The following C11orf54 variants were observed in gnomAD, a reference collection of about 807,000 sequenced individuals.
C11orf54 encodes beta-keto L-gulonate decarboxylase.
In C11orf54, 29 loss-of-function variants were observed where a neutral mutation model predicts 35.5. That is an observed-to-expected ratio of 0.82 (90% CI 0.61 to 1.11). The LOEUF (loss-of-function observed/expected upper bound fraction) is 1.11, where lower values mean the gene tolerates loss of function less well. C11orf54 is among the 50% of genes most tolerant of loss of function. C11orf54 has a pLI of 0.00. For synonymous variants in C11orf54, 108 were observed against 121.1 expected (o/e 0.89, Z 0.71); for missense variants, 373 against 369.2 (o/e 1.01, Z -0.08).
chr11:93,755,711 C>G (rs1943101313), intron 6 of C11orf54, among the ~76,000 whole-genome samples: 1 of 145,496 alleles, frequency 6.9e-6, no homozygotes. Context: ...CAAGATCATG[C>G]TACTACCCTC....
In C11orf54 at chr11:93,741,742, C is replaced by T. The variant is rs1942073191; in HGVS notation, c.-98+14C>T. On this transcript the variant is annotated intron_variant, in intron 1 of 8. Transcript: ENST00000354421. ...GTGACCGTTTAGGTGAGTGGAATAG[C>T]CAAGAACATTTCGGCAAATAACAAA... 1 of 319,798 alleles carries T rather than the reference C, an allele frequency of 3.1e-6. No individual in the cohort carries two copies. The highest frequency in any genetic ancestry group is 6.2e-6 in the Non-Finnish European group (1 of 162,024). The allele number at this position is 319,798 out of a possible 1,614,324, so 19.8% of individuals were successfully genotyped here. A position where few individuals can be genotyped will look rare whatever the true frequency, so the allele number is the denominator to read the frequency against.
intron 1 of C11orf54, among the ~76,000 whole-genome samples, chr11:93,742,477 G>A (rs143607686): frequency 0.054 from 8,257 of 152,076 alleles, 291 homozygotes; most frequent in Middle Eastern, 0.082. Flanking sequence ...AGAGGCGGGG[G>A]TTTCTCCATG....
At chr11:93,755,981 A>G (rs1406064216) in intron 6 of C11orf54, among the ~76,000 whole-genome samples, 1 of 151,974 alleles carries the variant, frequency 6.6e-6, no homozygotes, top group African/African-American at 2.4e-5. Flanking sequence ...AGTCTGGCCA[A>G]CATAGCGAAA....
chr11:93,759,474 C>T (rs936496257), intron 7 of C11orf54, among the ~76,000 whole-genome samples: 1 of 151,968 alleles, frequency 6.6e-6, no homozygotes, highest in African/African-American at 2.4e-5. Flanking sequence ...GGGAGGGGAA[C>T]ATCACACACC....
In C11orf54 at chr11:93,747,283, A is replaced by T. The variant is rs767402469; in HGVS notation, c.-97-14A>T. The T allele has an allele frequency of 4.1e-6, 3 of 731,954 alleles. No individual in the cohort carries two copies. The South Asian group carries it at 7.5e-5, about 18-fold the overall frequency. 45.3% of individuals were successfully genotyped at this position (731,954 alleles called of 1,614,324 possible). A position where few individuals can be genotyped will look rare whatever the true frequency, so the allele number is the denominator to read the frequency against. ...TTCTGTTTATATGTTTGAATGCTCA[A>T]TGTTCATTTCCAGAACAGAAACTGT... On this transcript the variant is annotated splice_polypyrimidine_tract_variant and intron_variant, in intron 1 of 8. Coordinates refer to ENST00000354421, the MANE Select transcript of C11orf54 (RefSeq NM_001286069.2).
Position 93,759,788 on chromosome 11 carries a change from A to G in C11orf54, c.704A>G (p.Asn235Ser). The G allele has an allele frequency of 6.2e-7, 1 of 1,611,226 alleles. No homozygotes were observed. Among genetic ancestry groups the G allele is most frequent in the South Asian group, 1.1e-5 (1 of 90,722 alleles). The change falls in exon 8 of 9, where the codon AAT becomes AGT. Residue 235 changes from asparagine (N) to serine (S), a missense_variant. Asn to Ser is a conservative substitution (Grantham distance 46). Coordinates refer to ENST00000354421, the MANE Select transcript of C11orf54 (RefSeq NM_001286069.2). ...SCPLNSDEEVNKWLHFYEMKA... is the reference protein window; with the variant it reads ...SCPLNSDEEVSKWLHFYEMKA... ...CCCTTGAACTCTGATGAAGAAGTGA[A>G]TAAATGGTTGCATTTTTATGAAATG... is the stretch of plus-strand genomic sequence containing the variant.
chr11:93,745,614 CAT>C (rs1942419397), intron 1 of C11orf54, among the ~76,000 whole-genome samples: 1 of 152,194 alleles, frequency 6.6e-6, no homozygotes, highest in South Asian at 2.1e-4. Flanking sequence ...TCCTTTTCCA[CAT>C]AGACACAGTA....
At position 93,754,052 on chromosome 11, in the gene C11orf54, GA is replaced by G. The variant is rs1226279250; in HGVS notation, c.330+19del. 3 of 1,596,430 alleles carry G rather than the reference GA, an allele frequency of 1.9e-6. No individual in the cohort carries two copies. The highest frequency in any genetic ancestry group is 2.6e-6 in the Non-Finnish European group (3 of 1,170,588). On this transcript the variant is annotated intron_variant, in intron 5 of 8. Coordinates refer to ENST00000354421, the MANE Select transcript of C11orf54 (RefSeq NM_001286069.2). ...TCAATTCTGAGGTCAGCATATATAA[GA>G]AAATTATTTTACTTTATTGGTTTGA...
chr11:93,758,568 C>T (rs545849158), intron 7 of C11orf54, among the ~76,000 whole-genome samples: 1 of 152,254 alleles, frequency 6.6e-6, no homozygotes, highest in African/African-American at 2.4e-5. Context: ...TCCCTGCTGT[C>T]GGCGCCTGCT....
intron 5 of C11orf54, among the ~76,000 whole-genome samples, chr11:93,754,335 C>G (rs573919339): frequency 6.6e-6 from 1 of 152,080 alleles, no homozygotes; most frequent in African/African-American, 2.4e-5. Context: ...TACAGGATTC[C>G]GAGCTTATCT....
At chr11:93,753,836 T>C in intron 4 of C11orf54, 81 bp downstream of exon 4, 1 of 1,549,832 alleles carries the variant, frequency 6.5e-7, no homozygotes, top group Non-Finnish European at 8.9e-7. Context: ...GAAGACCTGT[T>C]GATCAGTTGG....
intron 6 of C11orf54, among the ~76,000 whole-genome samples, chr11:93,755,983 A>G (rs1020386556): frequency 6.6e-6 from 1 of 151,966 alleles, no homozygotes; most frequent in Non-Finnish European, 1.5e-5. Context: ...TCTGGCCAAC[A>G]TAGCGAAACC....
At chr11:93,759,347 G>C (rs918329912) in intron 7 of C11orf54, among the ~76,000 whole-genome samples, 10 of 152,134 alleles carry the variant, frequency 6.6e-5, no homozygotes, top group African/African-American at 1.9e-4. Flanking sequence ...CCTTTTCAGG[G>C]ACATGGATGA....
intron 8 of C11orf54, among the ~76,000 whole-genome samples, 156 bp from the exon 9 acceptor site, chr11:93,761,359 T>G (rs77411911): frequency 6.6e-6 from 1 of 152,196 alleles, no homozygotes; most frequent in African/African-American, 2.4e-5. Flanking sequence ...AGATACATTT[T>G]ACTGAATACA....
At position 93,761,767 on chromosome 11, in the gene C11orf54, A is replaced by G; in HGVS notation, c.*79A>G. 7.5e-7 allele frequency: 1 copy of G among 1,332,388 alleles called. No homozygotes were observed. Among genetic ancestry groups the G allele is most frequent in the Non-Finnish European group, 1.0e-6 (1 of 997,484 alleles). 82.5% of individuals were successfully genotyped at this position (1,332,388 alleles called of 1,614,324 possible). A position where few individuals can be genotyped will look rare whatever the true frequency, so the allele number is the denominator to read the frequency against. ...ACTTATTAATTAATACTGATATAAA[A>G]CCAATAGAAATGATCCCACAGGCCA... On this transcript the variant is annotated 3_prime_UTR_variant, in exon 9 of 9. Transcript: ENST00000354421.
chr11:93,749,237 T>A (rs11020510), intron 2 of C11orf54, among the ~76,000 whole-genome samples: 53,980 of 151,670 alleles, frequency 0.36, 9,749 homozygotes, highest in South Asian at 0.41. Context: ...ATTCCAGCAT[T>A]TTGGGAGGCC....
At chr11:93,755,693 C>T (rs1020352412) in intron 6 of C11orf54, among the ~76,000 whole-genome samples, 4 of 144,574 alleles carry the variant, frequency 2.8e-5, no homozygotes, top group Non-Finnish European at 5.9e-5. Context: ...GCAGAGGTTG[C>T]AGTGAGCCAA....
At chr11:93,744,067 G>T (rs1328239580) in intron 1 of C11orf54, among the ~76,000 whole-genome samples, 2 of 152,092 alleles carry the variant, frequency 1.3e-5, no homozygotes, top group African/African-American at 4.8e-5. Flanking sequence ...TTTTAGAATT[G>T]GACGGGCCTT....
chr11:93,759,721 T>A (rs767286170), intron 7 of C11orf54, 21 bp from the exon 8 acceptor site: 2 of 1,351,656 alleles, frequency 1.5e-6, no homozygotes, highest in South Asian at 2.6e-5. Context: ...TGTTTACCTA[T>A]GTAATTATCT....
Sources: gnomAD v4.1 joint callset for allele counts (sites outside exome capture counted in the v4.1 genomes callset) on GRCh38, gnomAD v4.1.1 for gene constraint, MANE v1.5 for transcripts, NCBI Gene and HGNC (gene_info 2026-07-23, HGNC 2026-07-21) for gene names.